The following URB1 variants were observed in gnomAD, a reference collection of about 807,000 sequenced individuals.
The protein encoded by URB1 is URB1 ribosome biogenesis factor.
Under a neutral mutation model 242.3 loss-of-function variants are expected in URB1, and 197 were observed. That is an observed-to-expected ratio of 0.81 (90% CI 0.72 to 0.91). The LOEUF (loss-of-function observed/expected upper bound fraction) is 0.91. URB1 is among the 40% of genes least tolerant of loss of function. The pLI, the probability that URB1 is intolerant of heterozygous loss-of-function variation, is 0.00. For synonymous variants in URB1, 1,153 were observed against 1,201.8 expected (o/e 0.96, Z 0.84); for missense variants, 2,721 against 2,860.5 (o/e 0.95, Z 1.11).
intron 9 of URB1, 72 bp from the exon 10 acceptor site, chr21:32,366,827 C>T: frequency 6.7e-7 from 1 of 1,485,476 alleles, no homozygotes; most frequent in Non-Finnish European, 9.1e-7. Flanking sequence ...CTGTAGGCAC[C>T]CAAAGGTGAA....
chr21:32,355,835 T>G (rs1037527943), intron 15 of URB1, among the ~76,000 whole-genome samples: 1 of 152,198 alleles, frequency 6.6e-6, no homozygotes, highest in African/African-American at 2.4e-5. Flanking sequence ...GGTATCAAAC[T>G]CCTAGCTTCA....
Position 32,375,452 on chromosome 21 carries a change from T to C in URB1, c.696A>G (p.Ile232Met), listed in dbSNP as rs749412843. The C allele has an allele frequency of 1.4e-5, 22 of 1,538,308 alleles. No individual in the cohort carries two copies. Among genetic ancestry groups the C allele is most frequent in the Non-Finnish European group, 1.9e-5 (22 of 1,140,772 alleles). ...EFIPCIFSSG[I>M]KEDRISTINI... ...TGATGGTAGAGATCCTATCTTCCTT[T>C]ATCCCTGAGCTAAAAATGCAAGGAA... The change falls in exon 6 of 39, where the codon ATA (isoleucine) becomes ATG (methionine). Residue 232 changes from isoleucine (I) to methionine (M), a missense_variant. Transcript: ENST00000382751.
In URB1 at chr21:32,349,315, C is replaced by A. The variant is rs1366809870; in HGVS notation, c.3001G>T (p.Ala1001Ser). 2.5e-5 allele frequency: 39 copies of A among 1,542,774 alleles called. No homozygotes were observed. Among genetic ancestry groups the A allele is most frequent in the Non-Finnish European group, 3.4e-5 (39 of 1,142,722 alleles). Residue 1001 changes from alanine to serine, a missense_variant, in exon 21 of 39, where the codon GCC becomes TCC. Transcript: ENST00000382751. Reference sequence around the variant, plus strand: ...ACCTGTGGCGGTACCTGATCATTGGCCAACTCCAGCGAGGCCACGGACTCC... The same window carrying A: ...ACCTGTGGCGGTACCTGATCATTGGACAACTCCAGCGAGGCCACGGACTCC... ...DMESVASLELANDQTLEEVLV... is the reference protein window; with the variant it reads ...DMESVASLELSNDQTLEEVLV...
At position 32,376,607 on chromosome 21, in the gene URB1, C is replaced by A. The variant is rs1194740882; in HGVS notation, c.665-1124G>T. ...TTATAGTTTACACCCAATCATATAT[C>A]ACTAAAAAACTTTGAAATCATTAAG... On this transcript the variant is annotated intron_variant, in intron 5 of 38. Coordinates refer to ENST00000382751, the MANE Select transcript of URB1 (RefSeq NM_014825.3). Among the ~76,000 whole-genome samples, 3 of 152,008 alleles carry A rather than the reference C, an allele frequency of 2.0e-5. No individual in the cohort carries two copies. The East Asian group carries it at 5.8e-4, about 29-fold the overall frequency.
In URB1 at chr21:32,338,593, C is replaced by A. The variant is rs754638005; in HGVS notation, c.4510+114G>T. ...ATAAAACATTCTGACACTGTCTTGG[C>A]AATGCTTCCTTAGCTCCGAGAGCCG... On this transcript the variant is annotated intron_variant, in intron 26 of 38. Transcript: ENST00000382751. 2.3e-5 allele frequency: 27 copies of A among 1,179,974 alleles called. No homozygotes were observed. In the Admixed American group the frequency reaches 3.3e-4, roughly 14 times the overall value. The allele number at this position is 1,179,974 out of a possible 1,614,324, so 73.1% of individuals were successfully genotyped here.
intron 10 of URB1, among the ~76,000 whole-genome samples, chr21:32,363,758 C>A (rs1470139592): frequency 2.6e-5 from 4 of 152,028 alleles, no homozygotes; most frequent in African/African-American, 9.7e-5. Context: ...AGCTCCTGGG[C>A]TCAGGCAATC....
chr21:32,357,499 A>G (rs1310582976), intron 15 of URB1, 38 bp downstream of exon 15: 1 of 1,460,614 alleles, frequency 6.8e-7, no homozygotes, highest in Admixed American at 2.8e-5. Context: ...TCTATACAAA[A>G]TGCTTTTCAG....
At position 32,372,547 on chromosome 21, in the gene URB1, C is replaced by A; in HGVS notation, c.961G>T (p.Gly321Ter). 1 of 1,551,620 alleles carries A rather than the reference C, an allele frequency of 6.4e-7. No homozygotes were observed. Among genetic ancestry groups the A allele is most frequent in the East Asian group, 2.4e-5 (1 of 40,912 alleles). Residue 321 changes from glycine (G) to a stop codon, truncating the protein, a stop_gained, in exon 8 of 39, where the codon GGA (glycine) becomes TGA (stop). Coordinates refer to ENST00000382751, the MANE Select transcript of URB1 (RefSeq NM_014825.3). LOFTEE classifies it high-confidence loss of function. Reference protein sequence around the residue: ...LMDLCCSLKHGINFYDASLGT... With the variant: ...LMDLCCSLKH ...AAAGATGCATCGTAAAAATTAATTCCATGCTTGAGTGAACAGCAAAGATCC... is the reference window on the plus strand; with the variant it reads ...AAAGATGCATCGTAAAAATTAATTCAATGCTTGAGTGAACAGCAAAGATCC...
rs2032769423 is a variant in URB1, at chr21:32,321,793, C to G, written c.5484+8G>C. The G allele has an allele frequency of 1.9e-6, 3 of 1,551,450 alleles. No individual in the cohort carries two copies. The highest frequency in any genetic ancestry group is 1.4e-5 in the African/African-American group (1 of 73,014). On this transcript the variant is annotated splice_region_variant and intron_variant, in intron 34 of 38. Coordinates refer to ENST00000382751, the MANE Select transcript of URB1 (RefSeq NM_014825.3). Reference sequence around the variant, plus strand: ...TCGCTCTCAAATAAGCTTGCGGAACCCATGTACCTGTGCTGCCTCGTCACA... The same window carrying G: ...TCGCTCTCAAATAAGCTTGCGGAACGCATGTACCTGTGCTGCCTCGTCACA...
At chr21:32,324,683 A>C in intron 31 of URB1, 81 bp from the exon 32 acceptor site, 1 of 1,040,174 alleles carries the variant, frequency 9.6e-7, no homozygotes, top group Non-Finnish European at 1.4e-6. Context: ...CAGCCGAACC[A>C]GGGCTCGGCA....
intron 30 of URB1, among the ~76,000 whole-genome samples, chr21:32,326,209 T>C (rs551559305): frequency 1.6e-4 from 24 of 152,286 alleles, no homozygotes; most frequent in African/African-American, 5.5e-4. Flanking sequence ...AGAAGAACCT[T>C]AGAATAGGAA....
intron 29 of URB1, among the ~76,000 whole-genome samples, chr21:32,333,640 AG>A (rs1388275868): frequency 2.6e-5 from 4 of 152,256 alleles, no homozygotes; most frequent in Non-Finnish European, 5.9e-5. Context: ...AACTTTATAC[AG>A]GAATTTAAGA....
intron 24 of URB1, among the ~76,000 whole-genome samples, chr21:32,342,673 C>CTT: frequency 7.8e-3 from 1 of 128 alleles, no homozygotes; most frequent in Non-Finnish European, 0.015. Context: ...AACTTGTGAA[C>CTT]CAGGAAAGCC....
Position 32,392,725 on chromosome 21 carries a change from G to T in URB1, c.142+44C>A, listed in dbSNP as rs953286999. 2.3e-5 allele frequency: 32 copies of T among 1,373,770 alleles called. No homozygotes were observed. In the African/African-American group the frequency reaches 4.7e-4, roughly 20 times the overall value. The allele number at this position is 1,373,770 out of a possible 1,614,324, so 85.1% of individuals were successfully genotyped here. On this transcript the variant is annotated intron_variant, in intron 1 of 38. Coordinates refer to ENST00000382751, the MANE Select transcript of URB1 (RefSeq NM_014825.3). ...GTGCCCGGCACACGGAGGCCGCCTCGCCAGCCTGTGCTCCCGACCCTGCGC... is the reference window on the plus strand; with the variant it reads ...GTGCCCGGCACACGGAGGCCGCCTCTCCAGCCTGTGCTCCCGACCCTGCGC...
chr21:32,368,563 C>T lies in URB1; in HGVS notation c.1037G>A (p.Gly346Asp), dbSNP rs965089488. The T allele has an allele frequency of 1.9e-6, 3 of 1,551,538 alleles. No individual in the cohort carries two copies. The highest frequency in any genetic ancestry group is 2.4e-5 in the East Asian group (1 of 40,916). Residue 346 changes from glycine to aspartate, a missense_variant, in exon 9 of 39, where the codon GGT (glycine) becomes GAT (aspartate). Physicochemically the swap from Gly to Asp is moderately conservative, Grantham distance 94 (BLOSUM62 -1). Coordinates refer to ENST00000382751, the MANE Select transcript of URB1 (RefSeq NM_014825.3). ...ATCATCATCAGCTGCAGTTTTCAAA[C>T]CCAGCAAGAAGTGCAAGAGTGTCAG... ...GNLTLLHFLL[G>D]LKTAADDDLV...
intron 1 of URB1, among the ~76,000 whole-genome samples, chr21:32,389,342 G>A (rs559103870): frequency 6.6e-6 from 1 of 152,218 alleles, no homozygotes; most frequent in East Asian, 1.9e-4. Flanking sequence ...AAATGACTTT[G>A]GATTTTATCC....
intron 20 of URB1, 54 bp downstream of exon 20, chr21:32,350,650 T>C: frequency 6.5e-7 from 1 of 1,532,656 alleles, no homozygotes; most frequent in South Asian, 1.2e-5. Context: ...AGAGAAGGCT[T>C]AGCTCTCTGG....
At position 32,311,581 on chromosome 21, in the gene URB1, G is replaced by A. The variant is rs2123527240; in HGVS notation, c.*3337C>T. ...TTTGCCTGTGTGGCCTTCCCTATGG[G>A]GTCCGGGCAGATGGCAGGTGTGGCA... On this transcript the variant is annotated 3_prime_UTR_variant, in exon 39 of 39. Coordinates refer to ENST00000382751, the MANE Select transcript of URB1 (RefSeq NM_014825.3). 3.3e-6 allele frequency: 5 copies of A among 1,511,096 alleles called. No homozygotes were observed. The highest frequency in any genetic ancestry group is 4.4e-6 in the Non-Finnish European group (5 of 1,125,032). The allele number at this position is 1,511,096 out of a possible 1,614,324, so 93.6% of individuals were successfully genotyped here.
chr21:32,339,019 C>T, intron 25 of URB1, 119 bp from the exon 26 acceptor site: 1 of 1,087,294 alleles, frequency 9.2e-7, no homozygotes, highest in South Asian at 1.8e-5. Flanking sequence ...GAGATGGAGT[C>T]TCATTCATTC....
Sources: allele counts gnomAD v4.1 joint callset (sites outside exome capture counted in the v4.1 genomes callset), GRCh38; gene constraint gnomAD v4.1.1; transcripts MANE v1.5; gene names NCBI Gene and HGNC (gene_info 2026-07-23, HGNC 2026-07-21).